Variants in BABAM2 observed in about 807,000 individuals in gnomAD.
The protein encoded by BABAM2 is BRISC and BRCA1-A complex member 2.
BABAM2 carries 31 observed loss-of-function variants against 54.7 expected under a neutral mutation model. The ratio of observed to expected loss-of-function variants is 0.57; its 90% CI spans 0.43 to 0.77. The LOEUF (loss-of-function observed/expected upper bound fraction) is 0.77. BABAM2 is among the 30% of genes least tolerant of loss of function. The pLI is 0.00. For missense variants in BABAM2, 364 were observed against 455.8 expected (o/e 0.80, Z 1.83); for synonymous variants, 167 against 162.9 (o/e 1.03, Z -0.19).
intron 10 of BABAM2, among the ~76,000 whole-genome samples, chr2:28,256,195 A>G (rs1016598130): frequency 1.3e-5 from 2 of 152,218 alleles, no homozygotes; most frequent in African/African-American, 2.4e-5. Context: ...TTCTTTGTTA[A>G]CACATTAAAT....
intron 6 of BABAM2, among the ~76,000 whole-genome samples, chr2:28,070,419 C>T (rs1056787704): frequency 8.5e-5 from 13 of 152,238 alleles, no homozygotes; most frequent in East Asian, 3.9e-4. Context: ...AATGGCCATA[C>T]GCTGGCTCTC....
chr2:28,092,478 C>T (rs1666234584), intron 6 of BABAM2, among the ~76,000 whole-genome samples: 3 of 151,988 alleles, frequency 2.0e-5, no homozygotes, highest in Admixed American at 2.0e-4. Context: ...TTTAAAATAG[C>T]ATCAAAAAGC....
chr2:28,098,070 A>G (rs1323354160), intron 6 of BABAM2, among the ~76,000 whole-genome samples: 5 of 152,170 alleles, frequency 3.3e-5, no homozygotes, highest in Non-Finnish European at 7.3e-5. Context: ...TACTTTTCCA[A>G]CACATGTTTT....
At chr2:28,204,649 G>A (rs1167081308) in intron 7 of BABAM2, among the ~76,000 whole-genome samples, 3 of 152,068 alleles carry the variant, frequency 2.0e-5, no homozygotes, top group Admixed American at 1.3e-4. Flanking sequence ...GAATATAAAT[G>A]TCTTGTGTTA....
intron 10 of BABAM2, among the ~76,000 whole-genome samples, chr2:28,260,530 A>G (rs552219885): frequency 6.7e-6 from 1 of 149,154 alleles, no homozygotes; most frequent in South Asian, 2.1e-4. Context: ...TTGAACTCCT[A>G]ACCTCAGGTG....
chr2:28,002,646 A>G (rs971204002), intron 4 of BABAM2, among the ~76,000 whole-genome samples: 1 of 152,142 alleles, frequency 6.6e-6, no homozygotes, highest in African/African-American at 2.4e-5. Flanking sequence ...AAAACCAAAG[A>G]CAAGGAGAAA....
chr2:27,997,386 G>C (rs1225238970), intron 4 of BABAM2, among the ~76,000 whole-genome samples: 1 of 152,130 alleles, frequency 6.6e-6, no homozygotes, highest in East Asian at 1.9e-4. Flanking sequence ...TTTCTACTAT[G>C]TCTGTTTCAT....
At chr2:28,110,629 A>T (rs111368923) in intron 6 of BABAM2, among the ~76,000 whole-genome samples, 46 of 152,184 alleles carry the variant, frequency 3.0e-4, no homozygotes, top group African/African-American at 6.0e-4. Flanking sequence ...ATCTCAAAAA[A>T]AAATAAATAA....
At chr2:28,172,264 T>C (rs1379625065) in intron 7 of BABAM2, among the ~76,000 whole-genome samples, 2 of 152,140 alleles carry the variant, frequency 1.3e-5, no homozygotes, top group Non-Finnish European at 2.9e-5. Context: ...CTCCCTATCT[T>C]TAATTGTTCC....
intron 4 of BABAM2, among the ~76,000 whole-genome samples, chr2:27,993,754 T>C (rs1408438090): frequency 6.6e-6 from 1 of 152,154 alleles, no homozygotes; most frequent in Non-Finnish European, 1.5e-5. Context: ...CTGCAGGTAT[T>C]GGTCACTGGT....
rs181495456 is a variant in BABAM2 at position 27,945,210 on chromosome 2, G to T, written c.205+15302G>T. ...AATTTTTATTTTTTATTTTATTTTT[G>T]TAGAGACGGGGTTTCACTGTGTTGC... On this transcript the variant is annotated intron_variant, in intron 3 of 11. Transcript: ENST00000379624. 3.5e-3 allele frequency among the ~76,000 whole-genome samples: 531 copies of T among 151,774 alleles called. 1 individual carries two copies. The highest frequency in any genetic ancestry group is 0.012 in the African/African-American group (508 of 41,408).
At chr2:28,318,710 T>G (rs961779743) in intron 11 of BABAM2, among the ~76,000 whole-genome samples, 2 of 152,180 alleles carry the variant, frequency 1.3e-5, no homozygotes, top group Admixed American at 1.3e-4. Flanking sequence ...CTGTATTTGT[T>G]TATTGGTCTA....
chr2:28,195,036 A>G (rs981486723), intron 7 of BABAM2, among the ~76,000 whole-genome samples: 1 of 152,200 alleles, frequency 6.6e-6, no homozygotes, highest in African/African-American at 2.4e-5. Flanking sequence ...CCAGAGAGAA[A>G]ATTGTGCTCT....
At chr2:27,987,924 G>T in intron 3 of BABAM2, 69 bp from the exon 4 acceptor site, 2 of 1,335,824 alleles carry the variant, frequency 1.5e-6, no homozygotes, top group South Asian at 1.3e-5. Flanking sequence ...AAGTTTTTCT[G>T]ATACAGTCTT....
chr2:27,901,042 CAAAAAAAAAA>C (rs553293287), intron 2 of BABAM2, among the ~76,000 whole-genome samples: 15 of 83,622 alleles, frequency 1.8e-4, no homozygotes, highest in Non-Finnish European at 2.4e-4. Context: ...GACTCTGTCT[CAAAAAAAAAA>C]AAAAAAAAAA....
intron 6 of BABAM2, among the ~76,000 whole-genome samples, chr2:28,069,150 C>G (rs1453650224): frequency 6.6e-6 from 1 of 152,162 alleles, no homozygotes; most frequent in East Asian, 1.9e-4. Context: ...CTCTTGTTTT[C>G]TCCAGGCGTT....
intron 6 of BABAM2, among the ~76,000 whole-genome samples, chr2:28,065,601 T>C (rs1663453986): frequency 6.6e-6 from 1 of 152,214 alleles, no homozygotes. Flanking sequence ...CCTGTAGTAA[T>C]TCGCTAAGCT....
At chr2:27,914,486 A>AT (rs1209030773) in intron 2 of BABAM2, among the ~76,000 whole-genome samples, 3 of 152,154 alleles carry the variant, frequency 2.0e-5, no homozygotes, top group Non-Finnish European at 2.9e-5. Context: ...GTTAGTCTCT[A>AT]TACTTCTTAA....
At chr2:28,225,556 AATATTTC>A (rs1299617959) in intron 7 of BABAM2, among the ~76,000 whole-genome samples, 7 of 152,114 alleles carry the variant, frequency 4.6e-5, no homozygotes, top group African/African-American at 1.4e-4. Context: ...GATTCATGTT[AATATTTC>A]TGAGGATCAG....
Sources: gnomAD v4.1 joint callset for allele counts (sites outside exome capture counted in the v4.1 genomes callset) on GRCh38, gnomAD v4.1.1 for gene constraint, MANE v1.5 for transcripts, NCBI Gene and HGNC (gene_info 2026-07-23, HGNC 2026-07-21) for gene names.